The following SHLD1 variants were observed in gnomAD, a reference collection of about 807,000 sequenced individuals.
SHLD1 encodes the protein shieldin complex subunit 1.
In SHLD1, 3 loss-of-function variants were observed where a neutral mutation model predicts 5.5. That is an observed-to-expected ratio of 0.54 (90% CI 0.25 to 1.40). The LOEUF is 1.40. Among genes scored for constraint, SHLD1 ranks in the 40% most tolerant of loss-of-function variants. The pLI, the probability that SHLD1 is intolerant of heterozygous loss-of-function variation, is 0.15. For missense variants in SHLD1, 210 were observed against 244.4 expected, an observed-to-expected ratio of 0.86 and a Z score of 0.94; for synonymous variants, 92 against 94.3, an observed-to-expected ratio of 0.98 and a Z score of 0.14.
At position 5,773,325 on chromosome 20, in the gene SHLD1, G is replaced by A. The variant is rs985315818; in HGVS notation, c.178+282G>A. The A allele has an allele frequency of 7.1e-5, 42 of 595,382 alleles. No individual in the cohort carries two copies. In the African/African-American group the frequency reaches 7.1e-4, roughly 10 times the overall value. 36.9% of individuals were successfully genotyped at this position (595,382 alleles called of 1,614,324 possible). A position where few individuals can be genotyped will look rare whatever the true frequency, so the allele number is the denominator to read the frequency against. On this transcript the variant is annotated intron_variant, in intron 2 of 2. Coordinates refer to ENST00000303142, the MANE Select transcript of SHLD1 (RefSeq NM_152504.4). ...TCCCTCAAAATGAATTCAGAAGCAGGGGAATATTTGGTTCAACAAAGAGAG... is the reference window on the plus strand; with the variant it reads ...TCCCTCAAAATGAATTCAGAAGCAGAGGAATATTTGGTTCAACAAAGAGAG...
At position 5,771,945 on chromosome 20, in the gene SHLD1, G is replaced by A. The variant is rs183605745; in HGVS notation, c.-4-917G>A. 1.9e-3 allele frequency: 744 copies of A among 396,168 alleles called. 2 individuals carry two copies. The highest frequency in any genetic ancestry group is 2.4e-3 in the Admixed American group (78 of 32,434). 24.5% of individuals were successfully genotyped at this position (396,168 alleles called of 1,614,324 possible). ...GCTGGAGTGCAATAGCACGGTCTCC[G>A]CTCACTGCAACCTCCGCTTCGCAAG... is the stretch of plus-strand genomic sequence containing the variant. On this transcript the variant is annotated intron_variant, in intron 1 of 2. Coordinates refer to ENST00000303142, the MANE Select transcript of SHLD1 (RefSeq NM_152504.4).
chr20:5,846,661 T>G (rs188932956), intron 2 of SHLD1, among the ~76,000 whole-genome samples: 1 of 152,302 alleles, frequency 6.6e-6, no homozygotes, highest in African/African-American at 2.4e-5. Context: ...TGAAGGAAAT[T>G]GCCTCCCTGG....
chr20:5,753,658 C>T (rs1040013016), intron 1 of SHLD1, among the ~76,000 whole-genome samples: 1 of 152,142 alleles, frequency 6.6e-6, no homozygotes, highest in Non-Finnish European at 1.5e-5. Flanking sequence ...TTTACTTTGT[C>T]GCCACGTGTA....
chr20:5,800,263 T>C (rs1573165), intron 2 of SHLD1, among the ~76,000 whole-genome samples: 129,611 of 152,254 alleles, frequency 0.85, 55,410 homozygotes, highest in East Asian at 1. Flanking sequence ...TCATACAAAG[T>C]ACATTGCTTT....
chr20:5,810,088 C>T (rs1391855735), intron 2 of SHLD1, among the ~76,000 whole-genome samples: 1 of 151,930 alleles, frequency 6.6e-6, no homozygotes, highest in African/African-American at 2.4e-5. Context: ...GAAACCCCAT[C>T]TCTACTAAAA....
At chr20:5,836,063 A>G (rs186685123) in intron 2 of SHLD1, among the ~76,000 whole-genome samples, 3 of 147,118 alleles carry the variant, frequency 2.0e-5, no homozygotes, top group Admixed American at 2.0e-4. Context: ...TTTTCTGTCT[A>G]TTTTTTTTTC....
chr20:5,844,793 ATATATATTT>A lies in SHLD1; in HGVS notation c.179-18229_179-18221del, dbSNP rs1489372804. On this transcript the variant is annotated intron_variant, in intron 2 of 2. Coordinates refer to ENST00000303142, the MANE Select transcript of SHLD1 (RefSeq NM_152504.4). ...GACATATATATATATATATATATAT[ATATATATTT>A]TTTTTTTTTTGAGACACAGTCTCAC... Among the ~76,000 whole-genome samples, 25 of 96,170 alleles carry A rather than the reference ATATATATTT, an allele frequency of 2.6e-4. 1 individual carries two copies. The highest frequency in any genetic ancestry group is 1.7e-3 in the African/African-American group (24 of 14,344). 63.1% of individuals were successfully genotyped at this position (96,170 alleles called of 152,430 possible).
chr20:5,818,372 G>A (rs1407671842), intron 2 of SHLD1, among the ~76,000 whole-genome samples: 9 of 152,068 alleles, frequency 5.9e-5, no homozygotes, highest in African/African-American at 1.9e-4. Flanking sequence ...CACTGCACCA[G>A]GCCATTTTGT....
At chr20:5,830,990 G>A (rs892534752) in intron 2 of SHLD1, among the ~76,000 whole-genome samples, 6 of 151,938 alleles carry the variant, frequency 3.9e-5, no homozygotes, top group East Asian at 1.9e-4. Context: ...ATATACGCAC[G>A]TTATAATTTA....
At chr20:5,842,684 T>C (rs765756262) in intron 2 of SHLD1, among the ~76,000 whole-genome samples, 18 of 152,184 alleles carry the variant, frequency 1.2e-4, no homozygotes, top group Non-Finnish European at 2.6e-4. Flanking sequence ...TTTTTTTCTC[T>C]ATCTCTCTCT....
At chr20:5,804,759 A>G (rs373632803) in intron 2 of SHLD1, among the ~76,000 whole-genome samples, 9 of 152,248 alleles carry the variant, frequency 5.9e-5, no homozygotes, top group African/African-American at 1.7e-4. Flanking sequence ...TCAATTTTGC[A>G]TGAGATGTTT....
Position 5,862,891 on chromosome 20 carries a change from C to A in SHLD1, c.179-133C>A, listed in dbSNP as rs187316695. On this transcript the variant is annotated intron_variant, in intron 2 of 2. Coordinates refer to ENST00000303142, the MANE Select transcript of SHLD1 (RefSeq NM_152504.4). Reference sequence around the variant, plus strand: ...TGGTGAGAACAGATTTTGAAATCAGCTGATATTTCCCATTGCCAGTTACTC... The same window carrying A: ...TGGTGAGAACAGATTTTGAAATCAGATGATATTTCCCATTGCCAGTTACTC... The A allele has an allele frequency of 1.8e-5, 14 of 765,014 alleles. No individual in the cohort carries two copies. The Admixed American group carries it at 2.1e-4, about 12-fold the overall frequency. 47.4% of individuals were successfully genotyped at this position (765,014 alleles called of 1,614,324 possible). A position where few individuals can be genotyped will look rare whatever the true frequency, so the allele number is the denominator to read the frequency against.
At chr20:5,834,976 C>A (rs1568524970) in intron 2 of SHLD1, among the ~76,000 whole-genome samples, 1 of 152,138 alleles carries the variant, frequency 6.6e-6, no homozygotes, top group Non-Finnish European at 1.5e-5. Context: ...GGCCCTATGT[C>A]TTAATACTAT....
intron 2 of SHLD1, among the ~76,000 whole-genome samples, chr20:5,849,940 T>C (rs1043859016): frequency 3.4e-5 from 4 of 119,186 alleles, no homozygotes; most frequent in Non-Finnish European, 4.8e-5. Context: ...CAGTCCGGCC[T>C]GGGCGACAGA....
chr20:5,755,783 T>C (rs631057), intron 1 of SHLD1, among the ~76,000 whole-genome samples: 91,874 of 151,828 alleles, frequency 0.61, 28,300 homozygotes, highest in East Asian at 0.79. Context: ...GGTCTCAAAC[T>C]CTCAACCTCA....
At chr20:5,822,722 C>T (rs1216737182) in intron 2 of SHLD1, among the ~76,000 whole-genome samples, 1 of 151,976 alleles carries the variant, frequency 6.6e-6, no homozygotes. Flanking sequence ...ATGGACTTCA[C>T]ACCCACCGTT....
chr20:5,756,815 T>C, intron 1 of SHLD1: 1 of 279,340 alleles, frequency 3.6e-6, no homozygotes, highest in Non-Finnish European at 7.2e-6. Context: ...ATTACAGGCG[T>C]AAGCCACCAC....
chr20:5,750,500 G>T (rs372606244), intron 1 of SHLD1, 21 bp downstream of exon 1: 1 of 146,526 alleles, frequency 6.8e-6, no homozygotes, highest in Non-Finnish European at 1.5e-5. Flanking sequence ...GATGGGATGG[G>T]GGGGGGTTGG....
intron 2 of SHLD1, among the ~76,000 whole-genome samples, chr20:5,801,489 C>G (rs1233643208): frequency 6.6e-6 from 1 of 152,196 alleles, no homozygotes; most frequent in Non-Finnish European, 1.5e-5. Context: ...ATCAAGTATC[C>G]TACTCACAGT....
Sources: gnomAD v4.1 joint callset for allele counts (sites outside exome capture counted in the v4.1 genomes callset) on GRCh38, gnomAD v4.1.1 for gene constraint, MANE v1.5 for transcripts, NCBI Gene and HGNC (gene_info 2026-07-23, HGNC 2026-07-21) for gene names.